The following CAPRIN1 variants were observed in gnomAD, a reference collection of about 807,000 sequenced individuals.
The protein encoded by CAPRIN1 is caprin-1.
In CAPRIN1, 29 loss-of-function variants were observed where a neutral mutation model predicts 100.9. That is an observed-to-expected ratio of 0.29 (90% confidence interval 0.21 to 0.39). CAPRIN1 has a LOEUF of 0.39. Ranked by LOEUF, CAPRIN1 falls within the 10% of genes least tolerant of loss-of-function variation. The probability of loss-of-function intolerance (pLI) is 1.00; values close to 1 mark genes in which losing one functional copy is unlikely to be tolerated. For synonymous variants in CAPRIN1, 338 were observed against 307.5 expected (o/e 1.10, Z -1.04); for missense variants, 795 against 876.7 (o/e 0.91, Z 1.18).
chr11:34,078,866 C>CT (rs1321315873), intron 6 of CAPRIN1, among the ~76,000 whole-genome samples: 1 of 152,246 alleles, frequency 6.6e-6, no homozygotes, highest in Non-Finnish European at 1.5e-5. Context: ...TGGCCTCACT[C>CT]TGATTGGGTC....
At chr11:34,098,248 T>C (rs1851400241) in intron 18 of CAPRIN1, 3 of 986,080 alleles carry the variant, frequency 3.0e-6, no homozygotes, top group South Asian at 9.3e-5. Context: ...ATAGAACTAA[T>C]GGAATTTGCA....
intron 2 of CAPRIN1, among the ~76,000 whole-genome samples, chr11:34,068,515 G>T (rs1850743788): frequency 6.6e-6 from 1 of 152,156 alleles, no homozygotes; most frequent in African/African-American, 2.4e-5. Context: ...TTCTAAATTT[G>T]TTATTGTGTA....
chr11:34,075,631 C>T (rs1443520070), intron 4 of CAPRIN1, among the ~76,000 whole-genome samples: 1 of 152,142 alleles, frequency 6.6e-6, no homozygotes, highest in African/African-American at 2.4e-5. Flanking sequence ...GGGTTTTTGG[C>T]ATTTCCTTGT....
At chr11:34,055,307 G>C (rs1732253371) in intron 2 of CAPRIN1, among the ~76,000 whole-genome samples, 1 of 151,718 alleles carries the variant, frequency 6.6e-6, no homozygotes, top group African/African-American at 2.4e-5. Context: ...GTGATTACAA[G>C]TGTGCGCCAC....
chr11:34,065,290 C>G (rs1371172793), intron 2 of CAPRIN1, among the ~76,000 whole-genome samples: 1 of 152,200 alleles, frequency 6.6e-6, no homozygotes, highest in Non-Finnish European at 1.5e-5. Flanking sequence ...GGTCACTAAT[C>G]ATACCATATG....
chr11:34,085,999 A>G (rs975407094), intron 9 of CAPRIN1, 65 bp from the exon 10 acceptor site: 3 of 1,381,028 alleles, frequency 2.2e-6, no homozygotes, highest in African/African-American at 1.4e-5. Context: ...GGGACCCATC[A>G]TGGTGGTAGT....
At chr11:34,053,119 A>T in intron 2 of CAPRIN1, 1 of 997,622 alleles carries the variant, frequency 1.0e-6, no homozygotes, top group Non-Finnish European at 1.2e-6. Flanking sequence ...CTCGGTTACC[A>T]TGCACTCGAG....
chr11:34,054,458 G>T, intron 2 of CAPRIN1, among the ~76,000 whole-genome samples: 1 of 151,040 alleles, frequency 6.6e-6, no homozygotes, highest in East Asian at 1.9e-4. Context: ...ACGGAGTTTC[G>T]ATCTTTTTGC....
intron 7 of CAPRIN1, among the ~76,000 whole-genome samples, chr11:34,080,965 T>G: frequency 6.6e-6 from 1 of 152,236 alleles, no homozygotes; most frequent in Non-Finnish European, 1.5e-5. Flanking sequence ...ATTTTTAATC[T>G]GTATGCTGCT....
chr11:34,052,587 A>C lies in CAPRIN1; in HGVS notation c.167A>C (p.Gln56Pro). The C allele has an allele frequency of 1.9e-6, 3 of 1,611,320 alleles. No homozygotes were observed. Among genetic ancestry groups the C allele is most frequent in the Non-Finnish European group, 2.5e-6 (3 of 1,179,214 alleles). ...GCTGTCCAGACCGAGGCCATGAAGC[A>C]GATTCTCGGGGTGATCGACAAGAAA... ...TGAVQTEAMKQILGVIDKKLR... is the reference protein window; with the variant it reads ...TGAVQTEAMKPILGVIDKKLR... Residue 56 changes from glutamine to proline, a missense_variant, in exon 2 of 19, where the codon CAG becomes CCG. Physicochemically the swap from Gln to Pro is moderately conservative, Grantham distance 76 (BLOSUM62 -1). Around this residue, in one of 3 missense-constraint regions of CAPRIN1, gnomAD observed 109 missense variants for 86.6 expected, o/e 1.26. Coordinates refer to ENST00000341394, the MANE Select transcript of CAPRIN1 (RefSeq NM_005898.5).
rs565756509 is a variant in CAPRIN1, at chr11:34,061,861, C to A, written c.216+9225C>A. 6.0e-5 allele frequency among the ~76,000 whole-genome samples: 9 copies of A among 150,582 alleles called. No homozygotes were observed. In the East Asian group the frequency reaches 1.6e-3, roughly 27 times the overall value. ...TGGCTTATGCCTGTAATCCCAGTTA[C>A]CTGGGAGTCTGAGGCAGGAGAATCG... is the stretch of plus-strand genomic sequence containing the variant. On this transcript the variant is annotated intron_variant, in intron 2 of 18. Transcript: ENST00000341394.
intron 7 of CAPRIN1, among the ~76,000 whole-genome samples, chr11:34,081,818 T>G (rs1821798324): frequency 6.6e-6 from 1 of 151,298 alleles, no homozygotes; most frequent in African/African-American, 2.4e-5. Flanking sequence ...TTCTTTTTTG[T>G]GGGGGACAGG....
chr11:34,085,322 G>A (rs1851117527), intron 9 of CAPRIN1, among the ~76,000 whole-genome samples: 1 of 152,036 alleles, frequency 6.6e-6, no homozygotes, highest in Non-Finnish European at 1.5e-5. Context: ...AAAATGGAAT[G>A]GGAAAAACCC....
rs369993766 is a variant in CAPRIN1, at chr11:34,089,465, G to C, written c.1293+9G>C. 5.3e-5 allele frequency: 83 copies of C among 1,565,472 alleles called. No individual in the cohort carries two copies. Among genetic ancestry groups the C allele is most frequent in the Non-Finnish European group, 6.1e-5 (70 of 1,140,500 alleles). ...AACCAGAAGCGACACAGGTAAGAGT[G>C]ATAAAACTATTTTCTTCAGGGCCAG... is the stretch of plus-strand genomic sequence containing the variant. On this transcript the variant is annotated intron_variant, in intron 12 of 18. Transcript: ENST00000341394.
intron 18 of CAPRIN1, chr11:34,098,952 C>T (rs1161132104): frequency 8.1e-6 from 9 of 1,110,264 alleles, no homozygotes; most frequent in African/African-American, 6.5e-5. Flanking sequence ...ATGTAAGCTC[C>T]ATGAGAGCAG....
intron 2 of CAPRIN1, among the ~76,000 whole-genome samples, chr11:34,068,204 G>T (rs1850737800): frequency 6.6e-6 from 1 of 152,214 alleles, no homozygotes; most frequent in Non-Finnish European, 1.5e-5. Context: ...TCCTCATCAT[G>T]TGGCAGTCTC....
rs571869575 is a variant in CAPRIN1, at chr11:34,090,079, G to A, written c.1294-100G>A. ...TTAATTTCTCCCTTCTTTAGCAGTT[G>A]TATCTATTTCTTAGCCTTATGCGTC... On this transcript the variant is annotated intron_variant, in intron 12 of 18. Coordinates refer to ENST00000341394, the MANE Select transcript of CAPRIN1 (RefSeq NM_005898.5). 6.7e-6 allele frequency: 4 copies of A among 593,730 alleles called. No individual in the cohort carries two copies. The East Asian group carries it at 1.2e-4, about 17-fold the overall frequency. 36.8% of individuals were successfully genotyped at this position (593,730 alleles called of 1,614,324 possible).
chr11:34,061,418 G>A (rs1850577669), intron 2 of CAPRIN1, among the ~76,000 whole-genome samples: 1 of 151,750 alleles, frequency 6.6e-6, no homozygotes, highest in Non-Finnish European at 1.5e-5. Context: ...ATGTTGCCCA[G>A]GCTGGTCTCA....
intron 2 of CAPRIN1, among the ~76,000 whole-genome samples, chr11:34,059,411 G>A (rs1186167494): frequency 1.3e-5 from 2 of 152,060 alleles, no homozygotes; most frequent in Non-Finnish European, 2.9e-5. Context: ...TGGGACTACA[G>A]GTGCATGCCA....
Sources: gnomAD v4.1 joint callset for allele counts (sites outside exome capture counted in the v4.1 genomes callset) on GRCh38, gnomAD v4.1.1 for gene constraint, gnomAD v4.1.1 regional missense constraint, MANE v1.5 for transcripts, NCBI Gene and HGNC (gene_info 2026-07-23, HGNC 2026-07-21) for gene names.